Variants in BTBD7 observed in about 807,000 individuals in gnomAD.
BTBD7 encodes BTB domain containing 7.
In BTBD7, 38 loss-of-function variants were observed where a neutral mutation model predicts 99.9. That is an observed-to-expected ratio of 0.38 (90% CI 0.29 to 0.50). The LOEUF (loss-of-function observed/expected upper bound fraction) is 0.50. Among genes scored for constraint, BTBD7 ranks in the 20% least tolerant of loss-of-function variants. The pLI, the probability that BTBD7 is intolerant of heterozygous loss-of-function variation, is 0.93. For synonymous variants in BTBD7, 520 were observed against 511.4 expected (o/e 1.02, Z -0.23); for missense variants, 1,170 against 1,394.6 (o/e 0.84, Z 2.57).
At chr14:93,280,763 A>C (rs1347511759) in intron 3 of BTBD7, among the ~76,000 whole-genome samples, 1 of 152,066 alleles carries the variant, frequency 6.6e-6, no homozygotes. Flanking sequence ...GACAGTTTAT[A>C]TTCACCGAGT....
chr14:93,332,890 AGCACCGCCGTCC>A lies in BTBD7; in HGVS notation c.-189_-178del. On this transcript the variant is annotated 5_prime_UTR_variant, in exon 1 of 11. Coordinates refer to ENST00000334746, the MANE Select transcript of BTBD7 (RefSeq NM_001002860.4). ...CGTCGCCTCCGCCGCCGCCGCCACC[AGCACCGCCGTCC>A]GCACCGGCGCCAGCACCCCCGGCCA... The A allele has an allele frequency of 7.0e-7, 1 of 1,431,192 alleles. No homozygotes were observed. The highest frequency in any genetic ancestry group is 9.2e-7 in the Non-Finnish European group (1 of 1,083,914). 88.7% of individuals were successfully genotyped at this position (1,431,192 alleles called of 1,614,324 possible). A position where few individuals can be genotyped will look rare whatever the true frequency, so the allele number is the denominator to read the frequency against.
intron 3 of BTBD7, among the ~76,000 whole-genome samples, chr14:93,289,560 A>T (rs915300743): frequency 2.0e-5 from 3 of 152,212 alleles, no homozygotes; most frequent in Non-Finnish European, 2.9e-5. Flanking sequence ...TTTTCCAAAA[A>T]TTTCAACATC....
chr14:93,330,207 G>C (rs2053386256), intron 1 of BTBD7, among the ~76,000 whole-genome samples: 1 of 152,116 alleles, frequency 6.6e-6, no homozygotes, highest in Non-Finnish European at 1.5e-5. Flanking sequence ...CAGGATAAAA[G>C]TAGAAATCTC....
chr14:93,255,039 C>G (rs2052413842), intron 6 of BTBD7, among the ~76,000 whole-genome samples: 1 of 151,946 alleles, frequency 6.6e-6, no homozygotes, highest in Admixed American at 6.6e-5. Context: ...GTTAAAATTA[C>G]TTTTAACTAG....
intron 3 of BTBD7, among the ~76,000 whole-genome samples, chr14:93,277,405 T>C (rs573490747): frequency 1.3e-5 from 2 of 152,296 alleles, no homozygotes; most frequent in African/African-American, 4.8e-5. Flanking sequence ...TCTACTGTAA[T>C]GCAGGGGGAG....
intron 7 of BTBD7, 125 bp downstream of exon 7, chr14:93,253,522 C>G: frequency 4.7e-6 from 4 of 856,478 alleles, no homozygotes; most frequent in Non-Finnish European, 6.6e-6. Context: ...CTAGAACTTA[C>G]TTTCATTTTC....
chr14:93,269,639 A>G (rs1163363071), intron 3 of BTBD7, among the ~76,000 whole-genome samples: 1 of 152,116 alleles, frequency 6.6e-6, no homozygotes, highest in Non-Finnish European at 1.5e-5. Flanking sequence ...TAAATTTCCA[A>G]CGTGTCCTGG....
chr14:93,251,603 C>T lies in BTBD7; in HGVS notation c.1802G>A (p.Arg601Gln), dbSNP rs372294427. 118 of 1,613,374 alleles carry T rather than the reference C, an allele frequency of 7.3e-5. No individual in the cohort carries two copies. The highest frequency in any genetic ancestry group is 9.9e-5 in the South Asian group (9 of 91,006). Residue 601 changes from arginine to glutamine, a missense_variant, in exon 8 of 11, where the codon CGA becomes CAA. Around this residue, in one of 4 missense-constraint regions of BTBD7, gnomAD observed 309 missense variants for 342.0 expected, o/e 0.90. Coordinates refer to ENST00000334746, the MANE Select transcript of BTBD7 (RefSeq NM_001002860.4). ...TGGCACATTGGACATTCTAACCATT[C>T]GCAAGCGCACAAGATCCGTTTGTTC... ...MVEQTDLVRL[R>Q]MVRMSNVPDT...
At chr14:93,272,603 A>G (rs1001482366) in intron 3 of BTBD7, among the ~76,000 whole-genome samples, 1 of 152,190 alleles carries the variant, frequency 6.6e-6, no homozygotes, top group South Asian at 2.1e-4. Context: ...CAGGATTCCA[A>G]TGCATACAGA....
intron 10 of BTBD7, among the ~76,000 whole-genome samples, chr14:93,243,384 G>A (rs1224315976): frequency 6.6e-6 from 1 of 152,092 alleles, no homozygotes; most frequent in Admixed American, 6.5e-5. Flanking sequence ...TAGTGGAGAC[G>A]GGGTTTCAAT....
intron 1 of BTBD7, among the ~76,000 whole-genome samples, chr14:93,332,609 A>T (rs1449337270): frequency 6.6e-6 from 1 of 151,328 alleles, no homozygotes; most frequent in Non-Finnish European, 1.5e-5. Context: ...CTCGGAGCGC[A>T]CAGAGACCGG....
chr14:93,321,374 C>T (rs1475317689), intron 1 of BTBD7, among the ~76,000 whole-genome samples: 2 of 152,158 alleles, frequency 1.3e-5, no homozygotes, highest in African/African-American at 2.4e-5. Context: ...GGGTGGATCG[C>T]TTGAGGTCAG....
intron 9 of BTBD7, among the ~76,000 whole-genome samples, chr14:93,247,953 A>C (rs2052331022): frequency 6.6e-6 from 1 of 152,234 alleles, no homozygotes; most frequent in Non-Finnish European, 1.5e-5. Flanking sequence ...ACAGAAACGA[A>C]AGTGGGCATG....
At chr14:93,323,620 T>C (rs1348394694) in intron 1 of BTBD7, among the ~76,000 whole-genome samples, 4 of 152,178 alleles carry the variant, frequency 2.6e-5, no homozygotes, top group African/African-American at 4.8e-5. Flanking sequence ...CACAATTGAA[T>C]CCCAGATGAA....
chr14:93,285,553 C>G (rs114424290), intron 3 of BTBD7, among the ~76,000 whole-genome samples: 5,219 of 152,246 alleles, frequency 0.034, 292 homozygotes, highest in African/African-American at 0.12. Context: ...GTATTTTGCT[C>G]TGAGGTCAAC....
intron 1 of BTBD7, among the ~76,000 whole-genome samples, chr14:93,304,523 T>C (rs2053047500): frequency 6.6e-6 from 1 of 152,132 alleles, no homozygotes; most frequent in Admixed American, 6.5e-5. Flanking sequence ...GGCTAATTTT[T>C]GTATTTTTAG....
chr14:93,322,098 A>T (rs534276829), intron 1 of BTBD7, among the ~76,000 whole-genome samples: 123 of 148,224 alleles, frequency 8.3e-4, no homozygotes, highest in African/African-American at 2.7e-3. Flanking sequence ...GTTGTTTTTT[A>T]AAAAAATATG....
chr14:93,293,748 A>C, intron 3 of BTBD7, 110 bp downstream of exon 3: 1 of 1,381,602 alleles, frequency 7.2e-7, no homozygotes, highest in East Asian at 2.4e-5. Flanking sequence ...AAAAAAACTG[A>C]CCCTGTAACA....
Position 93,241,661 on chromosome 14 carries a change from G to A in BTBD7, c.*612C>T, listed in dbSNP as rs980554092. 1 of 152,456 alleles carries A rather than the reference G, an allele frequency of 6.6e-6. No individual in the cohort carries two copies. Among genetic ancestry groups the A allele is most frequent in the African/African-American group, 2.4e-5 (1 of 41,412 alleles). The allele number at this position is 152,456 out of a possible 1,614,324, so 9.4% of individuals were successfully genotyped here. A position where few individuals can be genotyped will look rare whatever the true frequency, so the allele number is the denominator to read the frequency against. On this transcript the variant is annotated 3_prime_UTR_variant, in exon 11 of 11. Coordinates refer to ENST00000334746, the MANE Select transcript of BTBD7 (RefSeq NM_001002860.4). ...CTGACTGGACTCCCGCTGGAGGAAT[G>A]AAGCCCAGCTCCTAGGACTTATTAA...
Sources: allele counts gnomAD v4.1 joint callset (sites outside exome capture counted in the v4.1 genomes callset), GRCh38; gene constraint gnomAD v4.1.1; regional missense constraint gnomAD v4.1.1; transcripts MANE v1.5; gene names NCBI Gene and HGNC (gene_info 2026-07-23, HGNC 2026-07-21).